The following USP42 variants were observed in gnomAD, a reference collection of about 807,000 sequenced individuals.
The protein encoded by USP42 is ubiquitin carboxyl-terminal hydrolase 42.
USP42 carries 23 observed loss-of-function variants against 113.0 expected under a neutral mutation model. The ratio of observed to expected loss-of-function variants is 0.20; its 90% confidence interval spans 0.15 to 0.29. USP42 has a LOEUF of 0.29. Among genes scored for constraint, USP42 ranks in the 10% least tolerant of loss-of-function variants. The pLI is 1.00. For synonymous variants in USP42, 933 were observed against 699.0 expected (o/e 1.33, Z -5.28); for missense variants, 2,174 against 1,779.8 (o/e 1.22, Z -3.99).
intron 7 of USP42, among the ~76,000 whole-genome samples, chr7:6,142,608 C>T (rs1427345676): frequency 6.6e-6 from 1 of 152,126 alleles, no homozygotes; most frequent in East Asian, 1.9e-4. Context: ...CACGGCTGGG[C>T]ATGACAGCTC....
Position 6,154,227 on chromosome 7 carries a change from C to A in USP42, c.2673C>A (p.Gly891=), listed in dbSNP as rs201498251. The change falls in exon 15 of 18, where the codon GGC becomes GGA. Residue 891 remains glycine (G), a synonymous_variant. Coordinates refer to ENST00000306177, the MANE Select transcript of USP42 (RefSeq NM_032172.3). ...CTCAGGACCCATCCCAGAGCTTGGG[C>A]GCACCCGAGGCCGCAGAGCGGCCGC... The part of the protein sequence containing the change: ...RDAQDPSQSL[G]APEAAERPPA... 1 of 1,606,570 alleles carries A rather than the reference C, an allele frequency of 6.2e-7. No individual in the cohort carries two copies. The highest frequency in any genetic ancestry group is 1.7e-5 in the Admixed American group (1 of 59,846).
At position 6,159,485 on chromosome 7, in the gene USP42, C is replaced by T. The variant is rs770838446; in HGVS notation, c.*28C>T. Reference sequence around the variant, plus strand: ...ACTCAGCCTCAAAACAAAAAATTCACTAGTTATGGTAAGCTGTTTTCCTGT... The same window carrying T: ...ACTCAGCCTCAAAACAAAAAATTCATTAGTTATGGTAAGCTGTTTTCCTGT... On this transcript the variant is annotated 3_prime_UTR_variant, in exon 17 of 18. Coordinates refer to ENST00000306177, the MANE Select transcript of USP42 (RefSeq NM_032172.3). The surrounding 1 kb of genome is among the most constrained non-coding windows in gnomAD (Gnocchi z 4.1). 9.3e-6 allele frequency: 15 copies of T among 1,613,694 alleles called. No individual in the cohort carries two copies. In the Admixed American group the frequency reaches 1.5e-4, roughly 16 times the overall value.
chr7:6,084,798 A>C, the USP42 span: 1 of 148,682 alleles, frequency 6.7e-6, no homozygotes, highest in South Asian at 2.1e-4. Context: ...AGCTCACTGC[A>C]ACCTCCACCT....
rs779049592 is a variant in USP42, at chr7:6,145,673, T to G, written c.1131+17T>G. 5 of 1,609,276 alleles carry G rather than the reference T, an allele frequency of 3.1e-6. No individual in the cohort carries two copies. In the East Asian group the frequency reaches 8.9e-5, roughly 29 times the overall value. ...TACATAAAAGTAAGCTGTGCAGATTTGCTATTAACTATTGTTACATACATG... is the reference window on the plus strand; with the variant it reads ...TACATAAAAGTAAGCTGTGCAGATTGGCTATTAACTATTGTTACATACATG... On this transcript the variant is annotated intron_variant, in intron 10 of 17. Transcript: ENST00000306177.
At chr7:6,090,893 A>T in the USP42 span, among the ~76,000 whole-genome samples, 2 of 149,802 alleles carry the variant, frequency 1.3e-5, no homozygotes, top group Non-Finnish European at 2.9e-5. Context: ...CCTTACGCTT[A>T]TAACTTAACT....
chr7:6,113,147 G>T (rs547986631), intron 2 of USP42, among the ~76,000 whole-genome samples: 1 of 151,788 alleles, frequency 6.6e-6, no homozygotes, highest in African/African-American at 2.4e-5. Flanking sequence ...CACCCGCCTC[G>T]GCCTCCCAGA....
chr7:6,153,373 G>C (rs1485012155), intron 14 of USP42, among the ~76,000 whole-genome samples: 1 of 151,966 alleles, frequency 6.6e-6, no homozygotes, highest in Non-Finnish European at 1.5e-5. Flanking sequence ...AGAACTCTAG[G>C]ATTATTGTTT....
At chr7:6,141,061 A>G in intron 7 of USP42, 77 bp downstream of exon 7, 1 of 713,370 alleles carries the variant, frequency 1.4e-6, no homozygotes, top group African/African-American at 1.9e-5. Flanking sequence ...TTTATAATTT[A>G]GACTACTTGT....
chr7:6,102,502 C>T (rs1790157038), upstream of USP42, among the ~76,000 whole-genome samples: 1 of 149,992 alleles, frequency 6.7e-6, no homozygotes, highest in African/African-American at 2.5e-5. Context: ...TGGCTCATGC[C>T]TGTAATCCCA....
In USP42 at chr7:6,160,665, T is replaced by C. The variant is rs530351761; in HGVS notation, c.*147T>C. ...TCTTTAGTAAATACTGTACAGATTT[T>C]ACCATGGAGAACTTTTTTTTTAGTT... On this transcript the variant is annotated 3_prime_UTR_variant, in exon 18 of 18. Coordinates refer to ENST00000306177, the MANE Select transcript of USP42 (RefSeq NM_032172.3). The C allele has an allele frequency of 6.5e-6, 1 of 152,796 alleles. No homozygotes were observed. The highest frequency in any genetic ancestry group is 1.9e-4 in the East Asian group (1 of 5,190). The allele number at this position is 152,796 out of a possible 1,614,324, so 9.5% of individuals were successfully genotyped here.
intron 3 of USP42, among the ~76,000 whole-genome samples, chr7:6,132,125 C>T (rs981049921): frequency 6.6e-5 from 10 of 151,996 alleles, no homozygotes; most frequent in African/African-American, 2.4e-4. Context: ...GGATTTTGGC[C>T]ATTTTGGCCA....
intron 1 of USP42, among the ~76,000 whole-genome samples, chr7:6,105,589 C>T (rs1374344199): frequency 6.6e-6 from 1 of 152,142 alleles, no homozygotes; most frequent in Admixed American, 6.5e-5. Context: ...TGGGCGCCCC[C>T]TCCCCAGGCC....
At chr7:6,143,305 A>T (rs544547724) in intron 8 of USP42, among the ~76,000 whole-genome samples, 1 of 152,280 alleles carries the variant, frequency 6.6e-6, no homozygotes, top group African/African-American at 2.4e-5. Context: ...GTGCTGCTTC[A>T]GGTGTGGCTG....
the USP42 span, among the ~76,000 whole-genome samples, chr7:6,092,764 G>A: frequency 6.6e-6 from 1 of 151,178 alleles, no homozygotes; most frequent in Non-Finnish European, 1.5e-5. Flanking sequence ...TCTAAGACCT[G>A]GCCAGCCACA....
chr7:6,124,549 C>T (rs1007771129), intron 3 of USP42, among the ~76,000 whole-genome samples: 4 of 152,254 alleles, frequency 2.6e-5, no homozygotes, highest in African/African-American at 9.6e-5. Flanking sequence ...CAGGAGTGAG[C>T]CCCCGTGCCC....
chr7:6,131,302 C>G (rs1483728250), intron 3 of USP42, among the ~76,000 whole-genome samples: 2 of 151,904 alleles, frequency 1.3e-5, no homozygotes, highest in Admixed American at 6.6e-5. Flanking sequence ...ATGGTGAAAC[C>G]CTGTCTCTAC....
At chr7:6,119,539 A>T (rs1440449462) in intron 3 of USP42, among the ~76,000 whole-genome samples, 1 of 152,206 alleles carries the variant, frequency 6.6e-6, no homozygotes, top group Non-Finnish European at 1.5e-5. Flanking sequence ...AATGAATTTT[A>T]GAATCACTTT....
Position 6,144,071 on chromosome 7 carries a change from C to T in USP42, c.879-14C>T. The T allele has an allele frequency of 6.6e-7, 1 of 1,504,942 alleles. No homozygotes were observed. The highest frequency in any genetic ancestry group is 8.9e-7 in the Non-Finnish European group (1 of 1,122,284). The allele number at this position is 1,504,942 out of a possible 1,614,324, so 93.2% of individuals were successfully genotyped here. A position where few individuals can be genotyped will look rare whatever the true frequency, so the allele number is the denominator to read the frequency against. On this transcript the variant is annotated splice_polypyrimidine_tract_variant and intron_variant, in intron 8 of 17. Coordinates refer to ENST00000306177, the MANE Select transcript of USP42 (RefSeq NM_032172.3). ...TATTCGTCTTCTTATACTTTTGTTT[C>T]TGTTTGTTTCAAGGTGTAAAAAGAT...
intron 1 of USP42, among the ~76,000 whole-genome samples, chr7:6,105,465 C>CCCGCCCG (rs1779222058): frequency 9.5e-6 from 1 of 104,960 alleles, no homozygotes; most frequent in African/African-American, 3.4e-5. Context: ...GCGTCCCCGG[C>CCCGCCCG]CCGCCCGCCG....
Sources: allele counts gnomAD v4.1 joint callset (sites outside exome capture counted in the v4.1 genomes callset), GRCh38; gene constraint gnomAD v4.1.1; non-coding constraint Gnocchi (gnomAD v3.1); transcripts MANE v1.5; gene names NCBI Gene and HGNC (gene_info 2026-07-23, HGNC 2026-07-21).